Variants in KCNH8 observed in about 807,000 individuals in gnomAD.
The protein encoded by KCNH8 is potassium voltage-gated channel subfamily H member 8.
A neutral mutation model predicts 103.6 loss-of-function variants in KCNH8; 70 were observed. That is an observed-to-expected ratio of 0.68 (90% CI 0.56 to 0.82). The LOEUF is 0.82. Among genes scored for constraint, KCNH8 ranks in the 40% least tolerant of loss-of-function variants. The pLI, the probability that KCNH8 is intolerant of heterozygous loss-of-function variation, is 0.00. For missense variants in KCNH8, 1,217 were observed against 1,329.9 expected (o/e 0.92, Z 1.32); for synonymous variants, 498 against 489.4 (o/e 1.02, Z -0.23).
rs143617527 is a variant in KCNH8, at chr3:19,186,157, C to T, written c.76+37362C>T. On this transcript the variant is annotated intron_variant, in intron 1 of 15. Coordinates refer to ENST00000328405, the MANE Select transcript of KCNH8 (RefSeq NM_144633.3). ...GGAACTAGTTTAATCAGCATTAAAACCTTCTGGAATAGGTAAGTCTACTGA... is the reference window on the plus strand; with the variant it reads ...GGAACTAGTTTAATCAGCATTAAAATCTTCTGGAATAGGTAAGTCTACTGA... Among the ~76,000 whole-genome samples, 82 of 151,860 alleles carry T rather than the reference C, an allele frequency of 5.4e-4. 1 individual carries two copies. The highest frequency in any genetic ancestry group is 1.9e-3 in the African/African-American group (78 of 41,480).
chr3:19,402,122 C>T (rs1303763482), intron 7 of KCNH8, among the ~76,000 whole-genome samples: 1 of 151,894 alleles, frequency 6.6e-6, no homozygotes, highest in African/African-American at 2.4e-5. Context: ...ATATTAGCAG[C>T]ATATAATAAG....
chr3:19,375,494 G>C (rs1260016810), intron 5 of KCNH8, among the ~76,000 whole-genome samples: 1 of 150,004 alleles, frequency 6.7e-6, no homozygotes, highest in Non-Finnish European at 1.5e-5. Flanking sequence ...GGTTATTCTA[G>C]TTATACATTC....
chr3:19,399,441 T>C (rs182804821), intron 7 of KCNH8, among the ~76,000 whole-genome samples: 8 of 152,080 alleles, frequency 5.3e-5, no homozygotes, highest in Non-Finnish European at 1.2e-4. Flanking sequence ...AGAACTCCAT[T>C]AGCATCCTAA....
chr3:19,327,813 C>A (rs529100140), intron 3 of KCNH8, among the ~76,000 whole-genome samples: 165 of 152,264 alleles, frequency 1.1e-3, no homozygotes, highest in African/African-American at 3.9e-3. Context: ...AATGCCGGGT[C>A]TACTTATTTC....
chr3:19,374,320 T>G (rs1320391455), intron 5 of KCNH8, among the ~76,000 whole-genome samples: 1 of 151,762 alleles, frequency 6.6e-6, no homozygotes, highest in Non-Finnish European at 1.5e-5. Flanking sequence ...CTATTTAGGA[T>G]AGTTAGCTCT....
chr3:19,520,401 A>G (rs1203448722), intron 15 of KCNH8, among the ~76,000 whole-genome samples: 1 of 152,014 alleles, frequency 6.6e-6, no homozygotes. Context: ...TCCTTCACAC[A>G]TAATTTAATT....
intron 3 of KCNH8, among the ~76,000 whole-genome samples, chr3:19,301,809 C>T (rs978988244): frequency 8.5e-5 from 13 of 152,222 alleles, no homozygotes; most frequent in Non-Finnish European, 1.8e-4. Context: ...ACTACTCCAA[C>T]ACCCTCTGAA....
chr3:19,488,050 C>T (rs540947673), intron 11 of KCNH8, among the ~76,000 whole-genome samples: 51 of 152,280 alleles, frequency 3.3e-4, no homozygotes, highest in African/African-American at 1.0e-3. Context: ...TGACGGCAGG[C>T]TCCTTGGGGG....
chr3:19,264,862 A>C (rs374414059), intron 2 of KCNH8, among the ~76,000 whole-genome samples: 140 of 152,130 alleles, frequency 9.2e-4, no homozygotes, highest in Non-Finnish European at 1.2e-3. Flanking sequence ...ATTCACAGAG[A>C]AGTTAAGTGG....
chr3:19,489,988 A>C (rs1291276365), intron 11 of KCNH8, among the ~76,000 whole-genome samples: 1 of 152,190 alleles, frequency 6.6e-6, no homozygotes, highest in African/African-American at 2.4e-5. Context: ...CCGGACTCCA[A>C]GTGCCAGTTC....
chr3:19,456,405 T>C (rs1051564389), intron 10 of KCNH8, among the ~76,000 whole-genome samples: 2 of 151,992 alleles, frequency 1.3e-5, no homozygotes, highest in African/African-American at 2.4e-5. Flanking sequence ...AAAATAAAAA[T>C]TTTAAACAAT....
At chr3:19,479,142 A>G (rs1447902076) in intron 11 of KCNH8, among the ~76,000 whole-genome samples, 1 of 152,084 alleles carries the variant, frequency 6.6e-6, no homozygotes. Flanking sequence ...TGGCGCACAG[A>G]CCTTTTACTC....
At chr3:19,403,361 A>AAT (rs57523893) in intron 7 of KCNH8, among the ~76,000 whole-genome samples, 4,213 of 123,590 alleles carry the variant, frequency 0.034, 108 homozygotes, top group Non-Finnish European at 0.051. Context: ...ATATGTAAAG[A>AAT]ATATATATAT....
chr3:19,156,966 CTT>C (rs765953228), intron 1 of KCNH8, among the ~76,000 whole-genome samples: 1 of 130,602 alleles, frequency 7.7e-6, no homozygotes, highest in Non-Finnish European at 1.6e-5. Context: ...GTCTATAAAG[CTT>C]TTTTTTTTTT....
intron 1 of KCNH8, among the ~76,000 whole-genome samples, chr3:19,210,289 T>C (rs1176274693): frequency 6.6e-6 from 1 of 152,048 alleles, no homozygotes; most frequent in East Asian, 1.9e-4. Context: ...TTCTTCTACT[T>C]TTTTCTTTTT....
At chr3:19,257,142 GTCC>G (rs919652884) in intron 2 of KCNH8, among the ~76,000 whole-genome samples, 11 of 152,120 alleles carry the variant, frequency 7.2e-5, no homozygotes, top group Middle Eastern at 3.4e-3. Context: ...GACTTCAAGT[GTCC>G]TCCTTCCTTT....
chr3:19,373,842 A>G (rs1159662686), intron 5 of KCNH8, among the ~76,000 whole-genome samples: 1 of 151,898 alleles, frequency 6.6e-6, no homozygotes, highest in Admixed American at 6.6e-5. Context: ...GAACTTCTTT[A>G]TTTCTGCCTT....
At chr3:19,495,036 T>G (rs1039626080) in intron 11 of KCNH8, among the ~76,000 whole-genome samples, 1 of 152,154 alleles carries the variant, frequency 6.6e-6, no homozygotes, top group East Asian at 1.9e-4. Context: ...GCCCACTTTT[T>G]TATGGGGTTG....
At chr3:19,496,726 C>A (rs575124570) in intron 11 of KCNH8, among the ~76,000 whole-genome samples, 2 of 152,248 alleles carry the variant, frequency 1.3e-5, no homozygotes, top group East Asian at 3.9e-4. Context: ...AGGAAGGAGT[C>A]TATCCTCCTC....
Sources: allele counts gnomAD v4.1 joint callset (sites outside exome capture counted in the v4.1 genomes callset), GRCh38; gene constraint gnomAD v4.1.1; transcripts MANE v1.5; gene names NCBI Gene and HGNC (gene_info 2026-07-23, HGNC 2026-07-21).